NKAIN2: variants seen among roughly 807,000 people sequenced by gnomAD.
The protein encoded by NKAIN2 is sodium/potassium-transporting ATPase subunit beta-1-interacting protein 2.
Under a neutral mutation model 32.6 loss-of-function variants are expected in NKAIN2, and 14 were observed. That is an observed-to-expected ratio of 0.43 (90% CI 0.28 to 0.67). NKAIN2 has a LOEUF of 0.67. Among genes scored for constraint, NKAIN2 ranks in the 30% least tolerant of loss-of-function variants. The pLI, the probability that NKAIN2 is intolerant of heterozygous loss-of-function variation, is 0.17. For synonymous variants in NKAIN2, 80 were observed against 87.2 expected, an observed-to-expected ratio of 0.92 and a Z score of 0.46; for missense variants, 198 against 258.3, an observed-to-expected ratio of 0.77 and a Z score of 1.60.
At chr6:124,073,019 T>C (rs566895821) in intron 1 of NKAIN2, among the ~76,000 whole-genome samples, 1 of 152,278 alleles carries the variant, frequency 6.6e-6, no homozygotes, top group South Asian at 2.1e-4. Flanking sequence ...GAAATGGAGA[T>C]TTGCTTGCAG....
chr6:124,729,928 G>A (rs1434830038), intron 4 of NKAIN2, among the ~76,000 whole-genome samples: 1 of 149,924 alleles, frequency 6.7e-6, no homozygotes, highest in Admixed American at 6.7e-5. Context: ...GACAAACAGA[G>A]AGCCAAATCA....
At chr6:124,659,186 T>A (rs1784653945) in intron 4 of NKAIN2, among the ~76,000 whole-genome samples, 1 of 152,144 alleles carries the variant, frequency 6.6e-6, no homozygotes, top group Non-Finnish European at 1.5e-5. Context: ...TCATTACAGA[T>A]CTTAAATGCA....
rs545976526 is a variant in NKAIN2 at position 123,940,089 on chromosome 6, C to T, written c.54+135835C>T. On this transcript the variant is annotated intron_variant, in intron 1 of 6. Coordinates refer to ENST00000368417, the MANE Select transcript of NKAIN2 (RefSeq NM_001040214.3). Reference sequence around the variant, plus strand: ...GGGACATAATAGTGAGAGAAGCATACATTAAAAAATTACTTGACCCAGGAT... The same window carrying T: ...GGGACATAATAGTGAGAGAAGCATATATTAAAAAATTACTTGACCCAGGAT... 9.9e-5 allele frequency among the ~76,000 whole-genome samples: 15 copies of T among 151,832 alleles called. No individual in the cohort carries two copies. In the South Asian group the frequency reaches 2.3e-3, roughly 23 times the overall value.
intron 4 of NKAIN2, among the ~76,000 whole-genome samples, chr6:124,666,505 T>G (rs913314352): frequency 7.2e-5 from 11 of 152,210 alleles, no homozygotes; most frequent in African/African-American, 2.4e-4. Context: ...AATTTAACTT[T>G]CCAATCTATT....
chr6:123,882,401 A>G (rs1773495473), intron 1 of NKAIN2, among the ~76,000 whole-genome samples: 1 of 152,118 alleles, frequency 6.6e-6, no homozygotes, highest in African/African-American at 2.4e-5. Context: ...AATGGGGACA[A>G]TTATTTCATC....
In NKAIN2 at chr6:124,418,178, CTG is replaced by C. The variant is rs1192608014; in HGVS notation, c.273+62845_273+62846del. Among the ~76,000 whole-genome samples the C allele has an allele frequency of 1.3e-4, 18 of 141,986 alleles. 1 individual carries two copies. The highest frequency in any genetic ancestry group is 6.5e-4 in the South Asian group (3 of 4,596). 93.1% of individuals were successfully genotyped at this position (141,986 alleles called of 152,430 possible). On this transcript the variant is annotated intron_variant, in intron 3 of 6. Coordinates refer to ENST00000368417, the MANE Select transcript of NKAIN2 (RefSeq NM_001040214.3). ...GTGGACTGTGTGTGTGTGTGTGTGTCTGTGTGTGTGTGTGTTTGTATGGTGTG... is the reference window on the plus strand; with the variant it reads ...GTGGACTGTGTGTGTGTGTGTGTGTCTGTGTGTGTGTGTTTGTATGGTGTG...
chr6:124,360,861 T>C (rs1251798182), intron 3 of NKAIN2, among the ~76,000 whole-genome samples: 1 of 152,138 alleles, frequency 6.6e-6, no homozygotes, highest in East Asian at 1.9e-4. Flanking sequence ...GAGAAAAAAT[T>C]AGTCTGTAAC....
intron 1 of NKAIN2, among the ~76,000 whole-genome samples, chr6:124,062,156 AC>A (rs2114858193): frequency 6.6e-6 from 1 of 152,188 alleles, no homozygotes; most frequent in East Asian, 1.9e-4. Flanking sequence ...AAATTTGCTA[AC>A]CTATTTTTTT....
chr6:123,914,356 G>C (rs997184678), intron 1 of NKAIN2, among the ~76,000 whole-genome samples: 1 of 151,888 alleles, frequency 6.6e-6, no homozygotes, highest in Non-Finnish European at 1.5e-5. Flanking sequence ...ATGTCGGGAG[G>C]AAGCCAGGGA....
At chr6:124,612,510 A>G (rs1266246341) in intron 3 of NKAIN2, among the ~76,000 whole-genome samples, 1 of 152,216 alleles carries the variant, frequency 6.6e-6, no homozygotes, top group Non-Finnish European at 1.5e-5. Flanking sequence ...CTATGTGGAG[A>G]TCTAATTCTT....
intron 4 of NKAIN2, among the ~76,000 whole-genome samples, chr6:124,714,418 T>C (rs1329621697): frequency 6.6e-6 from 1 of 152,202 alleles, no homozygotes; most frequent in Non-Finnish European, 1.5e-5. Flanking sequence ...TGGCAATTAA[T>C]TGCACCTGCT....
At chr6:124,586,772 C>G (rs1259877982) in intron 3 of NKAIN2, among the ~76,000 whole-genome samples, 3 of 152,100 alleles carry the variant, frequency 2.0e-5, no homozygotes. Flanking sequence ...TTGTGGTCAT[C>G]AAAACTGAAA....
At chr6:123,938,256 C>T (rs1776615758) in intron 1 of NKAIN2, among the ~76,000 whole-genome samples, 1 of 151,142 alleles carries the variant, frequency 6.6e-6, no homozygotes, top group East Asian at 1.9e-4. Flanking sequence ...TGAAAACATA[C>T]TTAAAAAGTT....
intron 1 of NKAIN2, among the ~76,000 whole-genome samples, chr6:123,810,871 T>C (rs1773431797): frequency 6.6e-6 from 1 of 152,228 alleles, no homozygotes; most frequent in African/African-American, 2.4e-5. Context: ...GTGTTGAATA[T>C]GCTTGAACAC....
intron 1 of NKAIN2, among the ~76,000 whole-genome samples, chr6:123,850,690 G>A (rs1048571689): frequency 6.6e-6 from 1 of 152,170 alleles, no homozygotes; most frequent in Non-Finnish European, 1.5e-5. Context: ...GCTAAATTGA[G>A]CGAATGAACG....
At chr6:124,247,425 C>T (rs182187777) in intron 1 of NKAIN2, among the ~76,000 whole-genome samples, 5 of 152,192 alleles carry the variant, frequency 3.3e-5, no homozygotes, top group East Asian at 3.9e-4. Flanking sequence ...ATTTCTTTTC[C>T]GCAATTTCTA....
chr6:124,720,929 T>C (rs922781784), intron 4 of NKAIN2, among the ~76,000 whole-genome samples: 2 of 152,232 alleles, frequency 1.3e-5, no homozygotes, highest in African/African-American at 4.8e-5. Context: ...GATTATTATA[T>C]TTTGAAATAC....
intron 4 of NKAIN2, among the ~76,000 whole-genome samples, chr6:124,704,471 T>C (rs1304897155): frequency 6.6e-6 from 1 of 151,952 alleles, no homozygotes; most frequent in African/African-American, 2.4e-5. Flanking sequence ...GAATTCTGAA[T>C]AGCAGTGGAA....
chr6:124,342,648 C>T (rs1259719433), intron 2 of NKAIN2, among the ~76,000 whole-genome samples: 1 of 151,626 alleles, frequency 6.6e-6, no homozygotes, highest in Non-Finnish European at 1.5e-5. Flanking sequence ...GCTGGGATTA[C>T]AGGAACATGC....
Sources: allele counts gnomAD v4.1 joint callset (sites outside exome capture counted in the v4.1 genomes callset), GRCh38; gene constraint gnomAD v4.1.1; transcripts MANE v1.5; gene names NCBI Gene and HGNC (gene_info 2026-07-23, HGNC 2026-07-21).